Variants in CRADD observed in about 807,000 individuals in gnomAD.
CRADD encodes the protein death domain-containing protein CRADD.
CRADD carries 9 observed loss-of-function variants against 15.5 expected under a neutral mutation model. The observed-to-expected ratio is 0.58, with a 90% CI of 0.35 to 1.01. The LOEUF (loss-of-function observed/expected upper bound fraction) is 1.01, where lower values mean the gene tolerates loss of function less well. Among genes scored for constraint, CRADD ranks in the 50% least tolerant of loss-of-function variants. CRADD has a pLI of 0.02. For synonymous variants in CRADD, 118 were observed against 107.6 expected (o/e 1.10, Z -0.60); for missense variants, 227 against 250.3 (o/e 0.91, Z 0.63).
chr12:93,688,820 T>A (rs1202101037), intron 2 of CRADD, among the ~76,000 whole-genome samples: 1 of 152,224 alleles, frequency 6.6e-6, no homozygotes, highest in Non-Finnish European at 1.5e-5. Context: ...AGTTTTCTCC[T>A]CTTCCTAATT....
chr12:93,812,332 G>C (rs139189651), intron 2 of CRADD, among the ~76,000 whole-genome samples: 38 of 152,230 alleles, frequency 2.5e-4, no homozygotes, highest in Admixed American at 3.9e-4. Context: ...TAGTTAGTAA[G>C]TCTTCTAAAA....
intron 2 of CRADD, among the ~76,000 whole-genome samples, chr12:93,790,408 A>G (rs986130774): frequency 1.3e-5 from 2 of 152,022 alleles, no homozygotes; most frequent in Non-Finnish European, 2.9e-5. Flanking sequence ...ACATGTATAC[A>G]TATGTAACTA....
At chr12:93,784,458 A>G (rs1957251623) in intron 2 of CRADD, among the ~76,000 whole-genome samples, 1 of 152,080 alleles carries the variant, frequency 6.6e-6, no homozygotes, top group Non-Finnish European at 1.5e-5. Flanking sequence ...CTCTAAACCC[A>G]GGCCGTCTGA....
intron 2 of CRADD, among the ~76,000 whole-genome samples, chr12:93,883,862 A>C (rs1958518693): frequency 6.6e-6 from 1 of 152,150 alleles, no homozygotes. Flanking sequence ...AAAAAGGAGC[A>C]AGGGAATGTC....
intron 2 of CRADD, among the ~76,000 whole-genome samples, chr12:93,790,463 A>T (rs1957335520): frequency 6.8e-6 from 1 of 147,886 alleles, no homozygotes; most frequent in Non-Finnish European, 1.5e-5. Context: ...AAGTATTATG[A>T]TAATAATAAA....
chr12:93,843,611 C>T (rs1958076488), intron 2 of CRADD, among the ~76,000 whole-genome samples: 1 of 152,066 alleles, frequency 6.6e-6, no homozygotes, highest in South Asian at 2.1e-4. Context: ...AACTCCTGAG[C>T]TCCAGTCATC....
At chr12:93,881,779 A>G (rs1406416178) in intron 2 of CRADD, among the ~76,000 whole-genome samples, 2 of 152,210 alleles carry the variant, frequency 1.3e-5, no homozygotes, top group South Asian at 2.1e-4. Context: ...TCCCTTGGAG[A>G]TTATCTCACG....
intron 2 of CRADD, among the ~76,000 whole-genome samples, chr12:93,764,571 A>G (rs1957005591): frequency 1.3e-5 from 2 of 150,876 alleles, no homozygotes; most frequent in Non-Finnish European, 3.0e-5. Flanking sequence ...TGCTCTTTCT[A>G]GGTTTTTCTT....
chr12:93,835,022 T>A (rs1462255408), intron 2 of CRADD, among the ~76,000 whole-genome samples: 3 of 152,238 alleles, frequency 2.0e-5, no homozygotes, highest in Non-Finnish European at 4.4e-5. Flanking sequence ...AAACACTGCA[T>A]CCTTTATTGC....
chr12:93,818,714 A>G (rs1957736718), intron 2 of CRADD, among the ~76,000 whole-genome samples: 1 of 152,214 alleles, frequency 6.6e-6, no homozygotes, highest in African/African-American at 2.4e-5. Flanking sequence ...GGGAGCAGAC[A>G]GTGGCTGTTC....
At chr12:93,679,314 G>GT (rs1180406087) in intron 2 of CRADD, among the ~76,000 whole-genome samples, 1 of 152,028 alleles carries the variant, frequency 6.6e-6, no homozygotes, top group East Asian at 1.9e-4. Flanking sequence ...GCTAAGTTTT[G>GT]TATTTTTAGT....
At chr12:93,703,551 G>A (rs1334538085) in intron 2 of CRADD, among the ~76,000 whole-genome samples, 4 of 151,632 alleles carry the variant, frequency 2.6e-5, no homozygotes, top group African/African-American at 7.3e-5. Context: ...TTGTAGAGAC[G>A]AGGTTTTACC....
chr12:93,870,471 T>A (rs1002099852), intron 2 of CRADD, among the ~76,000 whole-genome samples: 1 of 152,156 alleles, frequency 6.6e-6, no homozygotes, highest in Non-Finnish European at 1.5e-5. Context: ...AAGGGCAGGC[T>A]ACTGACATTT....
rs372229795 is a variant in CRADD, at chr12:93,745,163, C to T, written c.298+66091C>T. On this transcript the variant is annotated intron_variant, in intron 2 of 2. Transcript: ENST00000332896. ...GCATAATTCTTAAAGCTTGTGGTGA[C>T]GGGAGGGCACACTTGCTTATACGTC... 1.6e-4 allele frequency among the ~76,000 whole-genome samples: 24 copies of T among 152,188 alleles called. No individual in the cohort carries two copies. The South Asian group carries it at 3.1e-3, about 20-fold the overall frequency.
At chr12:93,793,903 C>T (rs1428508234) in intron 2 of CRADD, among the ~76,000 whole-genome samples, 1 of 152,170 alleles carries the variant, frequency 6.6e-6, no homozygotes, top group East Asian at 1.9e-4. Context: ...AAGGAACTCT[C>T]TGTATATCTC....
chr12:93,860,057 G>C (rs913644738), intron 2 of CRADD, among the ~76,000 whole-genome samples: 4 of 151,614 alleles, frequency 2.6e-5, no homozygotes, highest in African/African-American at 7.3e-5. Context: ...AACCATCACT[G>C]CTTTTAGGGA....
intron 2 of CRADD, among the ~76,000 whole-genome samples, chr12:93,859,154 A>T (rs928628680): frequency 1.3e-5 from 2 of 152,260 alleles, no homozygotes; most frequent in Non-Finnish European, 2.9e-5. Flanking sequence ...GTGTGTGCAG[A>T]TGAGTGTTTA....
chr12:93,705,700 A>G (rs574427682), intron 2 of CRADD, among the ~76,000 whole-genome samples: 2 of 152,344 alleles, frequency 1.3e-5, no homozygotes, highest in Admixed American at 6.5e-5. Flanking sequence ...TAGAGCTGGA[A>G]CAGATGGAGC....
chr12:93,731,400 C>T (rs562468415), intron 2 of CRADD, among the ~76,000 whole-genome samples: 173 of 152,298 alleles, frequency 1.1e-3, no homozygotes, highest in African/African-American at 3.9e-3. Flanking sequence ...GTAGGTACTT[C>T]CTGTACTTAT....
Sources: allele counts gnomAD v4.1 joint callset (sites outside exome capture counted in the v4.1 genomes callset), GRCh38; gene constraint gnomAD v4.1.1; transcripts MANE v1.5; gene names NCBI Gene and HGNC (gene_info 2026-07-23, HGNC 2026-07-21).